The following CDC23 variants were observed in gnomAD, a reference collection of about 807,000 sequenced individuals.
CDC23 encodes the protein cell division cycle protein 23 homolog.
Under a neutral mutation model 81.7 loss-of-function variants are expected in CDC23, and 26 were observed. That is an observed-to-expected ratio of 0.32 (90% CI 0.23 to 0.44). CDC23 has a LOEUF of 0.44. Among genes scored for constraint, CDC23 ranks in the 20% least tolerant of loss-of-function variants. CDC23 has a pLI of 1.00. For synonymous variants in CDC23, 267 were observed against 270.8 expected (o/e 0.99, Z 0.14); for missense variants, 519 against 728.0 (o/e 0.71, Z 3.30).
chr5:138,196,661 A>C (rs1754911423), intron 9 of CDC23, among the ~76,000 whole-genome samples: 1 of 148,782 alleles, frequency 6.7e-6, no homozygotes, highest in Non-Finnish European at 1.5e-5. Flanking sequence ...GCTCACTGCA[A>C]CCTCCGCCTC....
chr5:138,201,109 T>C lies in CDC23; in HGVS notation c.652A>G (p.Met218Val). The C allele has an allele frequency of 6.2e-7, 1 of 1,613,372 alleles. No individual in the cohort carries two copies. The highest frequency in any genetic ancestry group is 8.5e-7 in the Non-Finnish European group (1 of 1,179,878). Reference sequence around the variant, plus strand: ...TCACATAGCTCATCACAATTTACCATCTCTTTGTCTGTGATCAGGTTACAG... The same window carrying C: ...TCACATAGCTCATCACAATTTACCACCTCTTTGTCTGTGATCAGGTTACAG... ...ELCNLITDKE[M>V]LKFLSLPDTW... The change falls in exon 6 of 16, where the codon ATG becomes GTG. Residue 218 changes from methionine to valine, a missense_variant and splice_region_variant. Transcript: ENST00000394886.
chr5:138,208,256 C>T (rs904345343), intron 2 of CDC23, among the ~76,000 whole-genome samples: 1 of 152,172 alleles, frequency 6.6e-6, no homozygotes, highest in Admixed American at 6.6e-5. Context: ...CCGGCCCAAT[C>T]CTCCAAATTC....
intron 9 of CDC23, among the ~76,000 whole-genome samples, chr5:138,196,114 T>C (rs1047028609): frequency 6.6e-6 from 1 of 151,948 alleles, no homozygotes; most frequent in East Asian, 1.9e-4. Context: ...TTCCCCGCTC[T>C]GATTTTTAAG....
chr5:138,212,844 T>C, intron 2 of CDC23, 147 bp downstream of exon 2: 1 of 637,498 alleles, frequency 1.6e-6, no homozygotes, highest in Non-Finnish European at 2.8e-6. Context: ...TAAAATCATT[T>C]AAAACACTCA....
At chr5:138,201,021 G>C in intron 6 of CDC23, 86 bp downstream of exon 6, 1 of 1,479,030 alleles carries the variant, frequency 6.8e-7, no homozygotes, top group Non-Finnish European at 9.2e-7. Flanking sequence ...CCAAAGCCCT[G>C]CCAAAACTTT....
At chr5:138,193,559 G>A (rs1302932427) in intron 9 of CDC23, among the ~76,000 whole-genome samples, 1 of 151,460 alleles carries the variant, frequency 6.6e-6, no homozygotes, top group East Asian at 1.9e-4. Flanking sequence ...TCGTGCCACT[G>A]CACTCCAGCT....
chr5:138,206,193 CAATA>C (rs1755046038), intron 3 of CDC23: 1 of 342,218 alleles, frequency 2.9e-6, no homozygotes, highest in Non-Finnish European at 5.2e-6. Flanking sequence ...GAAAGAAAAA[CAATA>C]AATATACTAT....
At chr5:138,202,177 T>C (rs746121979) in intron 3 of CDC23, 22 bp from the exon 4 acceptor site, 4 of 1,590,138 alleles carry the variant, frequency 2.5e-6, no homozygotes, top group African/African-American at 2.7e-5. Context: ...AATCAACAAA[T>C]AGGTCTTTTT....
rs1435100694 is a variant in CDC23 at position 138,198,725 on chromosome 5, A to G, written c.712T>C (p.Tyr238His). The change falls in exon 7 of 16, where the codon TAC (tyrosine) becomes CAC (histidine). Residue 238 changes from tyrosine to histidine, a missense_variant. Tyr to His is a moderately conservative substitution (Grantham distance 83). Around this residue, in one of 4 missense-constraint regions of CDC23, gnomAD observed 180 missense variants for 239.3 expected, o/e 0.75. Coordinates refer to ENST00000394886, the MANE Select transcript of CDC23 (RefSeq NM_004661.4). ...TCCTCTATCAACTGCAACTCTGTGT[A>G]TATATGAGCCAGAAAAAACTCTTTC... is the stretch of plus-strand genomic sequence containing the variant. ...WMKEFFLAHIYTELQLIEEAL... is the reference protein window; with the variant it reads ...WMKEFFLAHIHTELQLIEEAL... The G allele has an allele frequency of 1.2e-6, 2 of 1,614,198 alleles. No homozygotes were observed. The highest frequency in any genetic ancestry group is 1.7e-5 in the Admixed American group (1 of 60,026).
chr5:138,213,207 G>T lies in CDC23; in HGVS notation c.106C>A (p.Leu36Met). The stretch of plus-strand genomic sequence containing the variant: ...CGGGTAAGGCCCGCAATAAGCAGCA[G>T]TTGCTTTTTAATTTCCCGCAAATCT... ...FSDLREIKKQ[L>M]LLIAGLTRER... The change falls in exon 1 of 16, where the codon CTG (leucine) becomes ATG (methionine). Residue 36 changes from leucine to methionine, a missense_variant. Physicochemically the swap from Leu to Met is conservative, Grantham distance 15. Coordinates refer to ENST00000394886, the MANE Select transcript of CDC23 (RefSeq NM_004661.4). 6.2e-7 allele frequency: 1 copy of T among 1,614,204 alleles called. No individual in the cohort carries two copies. Among genetic ancestry groups the T allele is most frequent in the African/African-American group, 1.3e-5 (1 of 75,048 alleles).
intron 15 of CDC23, among the ~76,000 whole-genome samples, chr5:138,189,432 T>C (rs1754800567): frequency 6.6e-6 from 1 of 152,004 alleles, no homozygotes; most frequent in African/African-American, 2.4e-5. Flanking sequence ...TGGCAAAATT[T>C]AATTTTTGTA....
At chr5:138,191,382 G>T in intron 13 of CDC23, 92 bp downstream of exon 13, 1 of 1,012,276 alleles carries the variant, frequency 9.9e-7, no homozygotes, top group South Asian at 1.3e-5. Context: ...TATGTAGAAT[G>T]ATGGGTGTAT....
At chr5:138,204,921 T>C (rs1755031486) in intron 3 of CDC23, among the ~76,000 whole-genome samples, 1 of 143,810 alleles carries the variant, frequency 7.0e-6, no homozygotes, top group African/African-American at 2.5e-5. Context: ...TCTTTCTTTC[T>C]TTTTTTTTTT....
chr5:138,194,177 A>G (rs561533470), intron 9 of CDC23, among the ~76,000 whole-genome samples: 1 of 152,310 alleles, frequency 6.6e-6, no homozygotes, highest in East Asian at 1.9e-4. Flanking sequence ...ATGCTACAAT[A>G]TGGATGAACC....
intron 9 of CDC23, among the ~76,000 whole-genome samples, chr5:138,195,502 A>AAT (rs1361314368): frequency 8.6e-5 from 11 of 128,190 alleles, no homozygotes; most frequent in East Asian, 2.0e-4. Flanking sequence ...ATATGTAAAA[A>AAT]ATATATATAT....
At chr5:138,206,452 C>T (rs1396886705) in intron 3 of CDC23, 95 bp downstream of exon 3, 19 of 1,200,818 alleles carry the variant, frequency 1.6e-5, no homozygotes, top group Admixed American at 8.4e-5. Context: ...ATTCAGTGGC[C>T]CACTGCTAAG....
intron 9 of CDC23, 70 bp from the exon 10 acceptor site, chr5:138,192,727 C>G: frequency 7.1e-7 from 1 of 1,414,360 alleles, no homozygotes; most frequent in Non-Finnish European, 9.7e-7. Flanking sequence ...AAATAGATAG[C>G]ATTCCACCAA....
chr5:138,213,114 G>C (rs955354849), intron 1 of CDC23, 38 bp downstream of exon 1: 1 of 1,613,876 alleles, frequency 6.2e-7, no homozygotes, highest in Admixed American at 1.7e-5. Flanking sequence ...CCAAGGCCAA[G>C]GATCCAAGCC....
At chr5:138,200,001 C>T (rs1754967661) in intron 6 of CDC23, among the ~76,000 whole-genome samples, 1 of 152,200 alleles carries the variant, frequency 6.6e-6, no homozygotes, top group Non-Finnish European at 1.5e-5. Flanking sequence ...ACAATATCCT[C>T]TACTAATGGC....
Sources: gnomAD v4.1 joint callset for allele counts (sites outside exome capture counted in the v4.1 genomes callset) on GRCh38, gnomAD v4.1.1 for gene constraint, gnomAD v4.1.1 regional missense constraint, MANE v1.5 for transcripts, NCBI Gene and HGNC (gene_info 2026-07-23, HGNC 2026-07-21) for gene names.